Variants in EPHB1 observed in about 807,000 individuals in gnomAD.
EPHB1 encodes the protein ephrin type-B receptor 1.
In EPHB1, 30 loss-of-function variants were observed where a neutral mutation model predicts 94.4. The ratio of observed to expected loss-of-function variants is 0.32; its 90% CI spans 0.24 to 0.43. EPHB1 has a LOEUF of 0.43. Ranked by LOEUF, EPHB1 falls within the 20% of genes least tolerant of loss-of-function variation. The probability of loss-of-function intolerance (pLI) is 1.00; values close to 1 mark genes in which losing one functional copy is unlikely to be tolerated. For synonymous variants in EPHB1, 522 were observed against 489.1 expected (o/e 1.07, Z -0.89); for missense variants, 1,055 against 1,308.3 (o/e 0.81, Z 2.99).
At chr3:134,895,931 C>T (rs1264432011) in intron 1 of EPHB1, among the ~76,000 whole-genome samples, 1 of 152,156 alleles carries the variant, frequency 6.6e-6, no homozygotes, top group Non-Finnish European at 1.5e-5. Context: ...TTTCTGTAGC[C>T]TTTGCCAACC....
chr3:135,104,660 C>G lies in EPHB1; in HGVS notation c.806-1788C>G, dbSNP rs1939146513. On this transcript the variant is annotated intron_variant, in intron 3 of 15. Transcript: ENST00000398015. ...AGTTCTCAACAAAGAATAAGATGAACTTTTAAAATCAGCATTTCAAAATAT... is the reference window on the plus strand; with the variant it reads ...AGTTCTCAACAAAGAATAAGATGAAGTTTTAAAATCAGCATTTCAAAATAT... Among the ~76,000 whole-genome samples, 10 of 152,172 alleles carry G rather than the reference C, an allele frequency of 6.6e-5. No individual in the cohort carries two copies. The South Asian group carries it at 2.1e-3, about 32-fold the overall frequency.
At chr3:134,964,391 G>A (rs777416374) in intron 3 of EPHB1, among the ~76,000 whole-genome samples, 1 of 152,186 alleles carries the variant, frequency 6.6e-6, no homozygotes, top group Non-Finnish European at 1.5e-5. Context: ...AAGCCCATAC[G>A]TTATGAAACT....
At chr3:135,131,519 C>T (rs73218229) in intron 4 of EPHB1, among the ~76,000 whole-genome samples, 20,404 of 152,134 alleles carry the variant, frequency 0.13, 1,467 homozygotes, top group Middle Eastern at 0.22. Flanking sequence ...GAAAGGGGGG[C>T]TTCCGGGCAG....
chr3:135,197,340 G>A (rs1344642399), intron 11 of EPHB1, among the ~76,000 whole-genome samples: 1 of 152,144 alleles, frequency 6.6e-6, no homozygotes, highest in Non-Finnish European at 1.5e-5. Flanking sequence ...TCATTCATGG[G>A]CTGCAGCTAG....
intron 1 of EPHB1, among the ~76,000 whole-genome samples, chr3:134,843,252 C>T (rs946189989): frequency 6.6e-6 from 1 of 152,230 alleles, no homozygotes; most frequent in African/African-American, 2.4e-5. Flanking sequence ...GAAAAGAAGT[C>T]ATATTAATCA....
chr3:134,820,764 C>T (rs187256686), intron 1 of EPHB1, among the ~76,000 whole-genome samples: 48 of 152,260 alleles, frequency 3.2e-4, no homozygotes, highest in Admixed American at 9.2e-4. Flanking sequence ...CCTCCTGCCC[C>T]GGAACGTTTG....
intron 3 of EPHB1, among the ~76,000 whole-genome samples, chr3:134,974,400 G>A (rs943939642): frequency 4.6e-5 from 7 of 152,096 alleles, no homozygotes; most frequent in African/African-American, 9.7e-5. Context: ...TGCTTTCCTC[G>A]TTGTAAAATG....
chr3:134,854,361 A>T (rs2037063272), intron 1 of EPHB1, among the ~76,000 whole-genome samples: 1 of 152,040 alleles, frequency 6.6e-6, no homozygotes. Flanking sequence ...CCTGGTCTTA[A>T]TCCTCTAAAC....
At chr3:134,842,157 G>A (rs1400147894) in intron 1 of EPHB1, among the ~76,000 whole-genome samples, 1 of 152,166 alleles carries the variant, frequency 6.6e-6, no homozygotes, top group Admixed American at 6.5e-5. Context: ...GAGCTAACTT[G>A]CTCCTTCCAC....
At chr3:135,180,054 CTCTT>C in intron 10 of EPHB1, 72 bp downstream of exon 10, 1 of 1,575,132 alleles carries the variant, frequency 6.3e-7, no homozygotes, top group Non-Finnish European at 8.7e-7. Flanking sequence ...CCTAGATGGT[CTCTT>C]TCAGTATGAA....
chr3:134,916,153 G>A (rs531351260), intron 1 of EPHB1, among the ~76,000 whole-genome samples: 2 of 151,564 alleles, frequency 1.3e-5, no homozygotes, highest in African/African-American at 4.9e-5. Context: ...TACAAACCCT[G>A]AGCCAGACAC....
chr3:134,908,566 C>A (rs2038385501), intron 1 of EPHB1, among the ~76,000 whole-genome samples: 2 of 152,204 alleles, frequency 1.3e-5, no homozygotes, highest in South Asian at 2.1e-4. Context: ...CAGAGCTCCA[C>A]CAGCGTGGTG....
intron 3 of EPHB1, among the ~76,000 whole-genome samples, chr3:134,995,934 G>A (rs16842453): frequency 6.7e-6 from 1 of 150,322 alleles, no homozygotes; most frequent in East Asian, 1.9e-4. Context: ...TAATATATTG[G>A]TATAATGTGC....
At chr3:135,170,333 C>A (rs1440261038) in intron 9 of EPHB1, among the ~76,000 whole-genome samples, 3 of 152,180 alleles carry the variant, frequency 2.0e-5, no homozygotes, top group African/African-American at 7.2e-5. Context: ...AATGTGGCTT[C>A]TAGGGCACTG....
chr3:135,193,134 T>C (rs946784474), intron 11 of EPHB1, among the ~76,000 whole-genome samples: 1 of 152,234 alleles, frequency 6.6e-6, no homozygotes, highest in Admixed American at 6.5e-5. Flanking sequence ...TTTTGGCTGC[T>C]GCACAGCCCT....
intron 1 of EPHB1, among the ~76,000 whole-genome samples, chr3:134,908,290 G>A (rs999958362): frequency 6.6e-6 from 1 of 152,234 alleles, no homozygotes; most frequent in Non-Finnish European, 1.5e-5. Context: ...GAGGGCTGGG[G>A]CCATGCCAAG....
At position 134,951,838 on chromosome 3, in the gene EPHB1, C is replaced by A; in HGVS notation, c.591C>A (p.Pro197=). ...TCCGTGTCTTCTTCAAAAAGTGTCC[C>A]AGCATTGTGCAAAATTTTGCAGTGT... is the stretch of plus-strand genomic sequence containing the variant. The part of the protein sequence containing the change: ...LSVRVFFKKC[P]SIVQNFAVFP... The change falls in exon 3 of 16, where the codon CCC becomes CCA. Residue 197 remains proline, a synonymous_variant. Coordinates refer to ENST00000398015, the MANE Select transcript of EPHB1 (RefSeq NM_004441.5). The surrounding 1 kb of genome is among the most constrained non-coding windows in gnomAD (Gnocchi z 4.5). 6.2e-7 allele frequency: 1 copy of A among 1,614,010 alleles called. No individual in the cohort carries two copies. Among genetic ancestry groups the A allele is most frequent in the Non-Finnish European group, 8.5e-7 (1 of 1,179,894 alleles).
At chr3:135,037,717 A>T (rs1047678599) in intron 3 of EPHB1, among the ~76,000 whole-genome samples, 2 of 152,222 alleles carry the variant, frequency 1.3e-5, no homozygotes, top group African/African-American at 4.8e-5. Flanking sequence ...TAAAAGTCTT[A>T]TTACTGAACA....
chr3:135,152,330 A>T (rs1941219941), intron 5 of EPHB1, among the ~76,000 whole-genome samples: 1 of 152,198 alleles, frequency 6.6e-6, no homozygotes, highest in African/African-American at 2.4e-5. Flanking sequence ...AATTGGTGAG[A>T]CTTACCTAAG....
Sources: gnomAD v4.1 joint callset for allele counts (sites outside exome capture counted in the v4.1 genomes callset) on GRCh38, gnomAD v4.1.1 for gene constraint, Gnocchi (gnomAD v3.1) non-coding constraint, MANE v1.5 for transcripts, NCBI Gene and HGNC (gene_info 2026-07-23, HGNC 2026-07-21) for gene names.